The following UPRT variants were observed in gnomAD, a reference collection of about 807,000 sequenced individuals.
The protein encoded by UPRT is RP11-311P8.3.
Under a neutral mutation model 22.6 loss-of-function variants are expected in UPRT, and 5 were observed. That is an observed-to-expected ratio of 0.22 (90% CI 0.12 to 0.47). The LOEUF (loss-of-function observed/expected upper bound fraction) is 0.47, where lower values mean the gene tolerates loss of function less well. Among genes scored for constraint, UPRT ranks in the 20% least tolerant of loss-of-function variants. The pLI is 0.99. For synonymous variants in UPRT, 77 were observed against 87.7 expected, an observed-to-expected ratio of 0.88 and a Z score of 0.68; for missense variants, 181 against 239.9, an observed-to-expected ratio of 0.75 and a Z score of 1.62.
At chrX:75,172,783 G>A (rs1473650785) in intron 4 of UPRT, among the ~76,000 whole-genome samples, 3 of 110,636 alleles carry the variant, frequency 2.7e-5, no homozygotes, top group Admixed American at 9.6e-5. Context: ...TTTTCCTCCC[G>A]GTGGGCTCGT....
intron 4 of UPRT, among the ~76,000 whole-genome samples, chrX:75,268,021 A>G (rs1259136020): frequency 9.0e-6 from 1 of 111,689 alleles, no homozygotes; most frequent in Non-Finnish European, 1.9e-5. Context: ...CCAGACTAAT[A>G]AAGAAGAAAA....
At chrX:75,218,902 G>A (rs1353057241) in intron 4 of UPRT, among the ~76,000 whole-genome samples, 2 of 110,573 alleles carry the variant, frequency 1.8e-5, no homozygotes, top group East Asian at 2.8e-4. Flanking sequence ...GTGGGGGAAC[G>A]GGGGAGGGAT....
chrX:75,267,649 C>A (rs191428128), intron 4 of UPRT, among the ~76,000 whole-genome samples: 2 of 112,053 alleles, frequency 1.8e-5, no homozygotes, highest in East Asian at 5.6e-4. Flanking sequence ...ACAACCTCCT[C>A]CTGAATGACT....
At chrX:75,156,784 T>G (rs2082181389) in intron 1 of UPRT, 1 of 326,595 alleles carries the variant, frequency 3.1e-6, no homozygotes, top group Non-Finnish European at 5.9e-6. Context: ...GGAGGAGGCT[T>G]CAGCTGTAAG....
intron 4 of UPRT, among the ~76,000 whole-genome samples, chrX:75,173,890 G>A (rs12006902): frequency 0.028 from 3,131 of 112,020 alleles, 115 homozygotes; most frequent in African/African-American, 0.097. Context: ...CGGCTGCTCC[G>A]AGTGCGGGGC....
intron 4 of UPRT, among the ~76,000 whole-genome samples, chrX:75,169,007 C>G (rs2082219930): frequency 8.9e-6 from 1 of 111,878 alleles, no homozygotes; most frequent in African/African-American, 3.2e-5. Context: ...TTAGCTCCCA[C>G]TTACGAGTGA....
intron 4 of UPRT, among the ~76,000 whole-genome samples, chrX:75,259,726 T>C (rs148344549): frequency 9.0e-6 from 1 of 110,658 alleles, no homozygotes; most frequent in Non-Finnish European, 1.9e-5. Flanking sequence ...TAGCAAGACA[T>C]GCCAACATTC....
chrX:75,264,232 A>C lies in UPRT; in HGVS notation c.-446-26792A>C, dbSNP rs764716865. On this transcript the variant is annotated intron_variant, in intron 4 of 13. Transcript: ENST00000652605. ...GGGGTGGAGAGTTCTGTAGATGTCT[A>C]TTAGGTCCACTTGGTGCAGAGCTGA... Among the ~76,000 whole-genome samples the C allele has an allele frequency of 1.2e-4, 13 of 111,759 alleles. No homozygotes were observed. In the South Asian group the frequency reaches 4.9e-3, roughly 42 times the overall value.
At chrX:75,176,448 C>T (rs1293911560) in intron 4 of UPRT, among the ~76,000 whole-genome samples, 2 of 111,390 alleles carry the variant, frequency 1.8e-5, no homozygotes, top group Non-Finnish European at 3.8e-5. Flanking sequence ...TGCCCTAGAC[C>T]CTGTAGGACA....
chrX:75,236,437 G>A (rs1173210627), intron 4 of UPRT, among the ~76,000 whole-genome samples: 1 of 111,166 alleles, frequency 9.0e-6, no homozygotes, highest in Non-Finnish European at 1.9e-5. Context: ...TCACAGAATT[G>A]GAAAAAACTA....
chrX:75,189,785 T>G (rs1274536450), intron 4 of UPRT, among the ~76,000 whole-genome samples: 1 of 112,032 alleles, frequency 8.9e-6, no homozygotes, highest in African/African-American at 3.2e-5. Flanking sequence ...GTCTGTTTTA[T>G]CAGAGACTAG....
intron 4 of UPRT, among the ~76,000 whole-genome samples, chrX:75,247,540 C>T (rs1431687237): frequency 8.9e-6 from 1 of 111,965 alleles, no homozygotes; most frequent in African/African-American, 3.2e-5. Context: ...GGGAGGGGCA[C>T]CAGATATTGC....
chrX:75,159,834 T>A (rs2082193853), intron 1 of UPRT, among the ~76,000 whole-genome samples: 1 of 97,707 alleles, frequency 1.0e-5, no homozygotes, highest in Non-Finnish European at 2.0e-5. Flanking sequence ...TGGAGTGCAG[T>A]GGCACAATCT....
chrX:75,265,758 G>A (rs763732947), intron 4 of UPRT, among the ~76,000 whole-genome samples: 9 of 110,951 alleles, frequency 8.1e-5, no homozygotes, highest in African/African-American at 9.8e-5. Context: ...GAGGCACTCT[G>A]ATTTTTAGAT....
At chrX:75,276,840 A>G (rs139185791) in intron 1 of UPRT, among the ~76,000 whole-genome samples, 118 of 111,680 alleles carry the variant, frequency 1.1e-3, no homozygotes, top group African/African-American at 3.7e-3. Context: ...AACATTTGTC[A>G]TCACCCCAGC....
At chrX:75,210,506 A>G (rs1356971024) in intron 4 of UPRT, among the ~76,000 whole-genome samples, 1 of 109,708 alleles carries the variant, frequency 9.1e-6, no homozygotes, top group Middle Eastern at 4.3e-3. Context: ...ACCTCCTGCA[A>G]GGAAAGGACT....
chrX:75,192,885 C>T (rs1325999844), intron 4 of UPRT, among the ~76,000 whole-genome samples: 1 of 111,976 alleles, frequency 8.9e-6, no homozygotes, highest in Admixed American at 9.5e-5. Context: ...TTGAATACAG[C>T]ATACCATTGT....
At chrX:75,250,309 A>G (rs909950855) in intron 4 of UPRT, among the ~76,000 whole-genome samples, 3 of 110,016 alleles carry the variant, frequency 2.7e-5, no homozygotes, top group Non-Finnish European at 3.8e-5. Flanking sequence ...TTGATAGACC[A>G]CTAGCAAGAC....
intron 4 of UPRT, among the ~76,000 whole-genome samples, chrX:75,216,839 C>T (rs759173354): frequency 8.9e-6 from 1 of 112,182 alleles, no homozygotes. Flanking sequence ...ACTGCAAGCT[C>T]CGCCTCCTGG....
Sources: gnomAD v4.1 joint callset for allele counts (sites outside exome capture counted in the v4.1 genomes callset) on GRCh38, gnomAD v4.1.1 for gene constraint, MANE v1.5 for transcripts, NCBI Gene and HGNC (gene_info 2026-07-23, HGNC 2026-07-21) for gene names.